LRRC3B: variants seen among roughly 807,000 people sequenced by gnomAD.
The protein encoded by LRRC3B is leucine rich repeat containing 3B.
In LRRC3B, 2 loss-of-function variants were observed where a neutral mutation model predicts 12.8. The observed-to-expected ratio is 0.16, with a 90% CI of 0.06 to 0.49. The LOEUF is 0.49. Among genes scored for constraint, LRRC3B ranks in the 20% least tolerant of loss-of-function variants. The pLI is 0.96. For synonymous variants in LRRC3B, 132 were observed against 122.0 expected (o/e 1.08, Z -0.54); for missense variants, 189 against 319.4 (o/e 0.59, Z 3.11).
At chr3:26,684,745 A>G (rs1398076138) in intron 1 of LRRC3B, among the ~76,000 whole-genome samples, 4 of 152,206 alleles carry the variant, frequency 2.6e-5, no homozygotes, top group African/African-American at 7.2e-5. Flanking sequence ...TACTGTGGAT[A>G]GCAGTTAAAT....
chr3:26,674,012 C>A (rs575003529), intron 1 of LRRC3B, among the ~76,000 whole-genome samples: 1 of 152,286 alleles, frequency 6.6e-6, no homozygotes, highest in African/African-American at 2.4e-5. Flanking sequence ...ATAGGCTTGT[C>A]AATGATGAGC....
intron 1 of LRRC3B, among the ~76,000 whole-genome samples, chr3:26,671,365 TATATATATAGAGAGAG>T (rs1411816062): frequency 2.3e-5 from 1 of 43,448 alleles, no homozygotes; most frequent in Non-Finnish European, 4.3e-5. Context: ...TATATATATA[TATATATATAGAGAGAG>T]AGAGAGAGAG....
chr3:26,631,602 G>A (rs1698758931), intron 1 of LRRC3B, among the ~76,000 whole-genome samples: 1 of 151,328 alleles, frequency 6.6e-6, no homozygotes, highest in African/African-American at 2.5e-5. Flanking sequence ...TCCCTGTCTT[G>A]GAAATTAGCA....
chr3:26,679,114 T>G (rs1222473738), intron 1 of LRRC3B, among the ~76,000 whole-genome samples: 1 of 152,202 alleles, frequency 6.6e-6, no homozygotes, highest in Non-Finnish European at 1.5e-5. Flanking sequence ...TCATCAGTTA[T>G]TCATTCAGTT....
chr3:26,702,822 G>A (rs182409402), intron 1 of LRRC3B, among the ~76,000 whole-genome samples: 4 of 152,250 alleles, frequency 2.6e-5, no homozygotes, highest in Admixed American at 6.5e-5. Context: ...CAAGGGACAC[G>A]TAGAATGGAG....
chr3:26,690,052 A>G (rs1004071568), intron 1 of LRRC3B, among the ~76,000 whole-genome samples: 1 of 152,090 alleles, frequency 6.6e-6, no homozygotes, highest in Non-Finnish European at 1.5e-5. Flanking sequence ...GACTCTGCAC[A>G]AAGCAAAAGC....
At position 26,645,669 on chromosome 3, in the gene LRRC3B, C is replaced by G. The variant is rs150764844; in HGVS notation, c.-161+22432C>G. 3.2e-3 allele frequency among the ~76,000 whole-genome samples: 492 copies of G among 152,138 alleles called. 3 individuals are homozygous for G. Among genetic ancestry groups the G allele is most frequent in the African/African-American group, 0.011 (474 of 41,526 alleles). ...TGGAGGTAAGAAAATTAAGATCCTA[C>G]TTCTCAAACACATTACTTTCTGGAG... On this transcript the variant is annotated intron_variant, in intron 1 of 1. Coordinates refer to ENST00000396641, the Ensembl canonical transcript of LRRC3B.
At chr3:26,693,059 G>A (rs1700224775) in intron 1 of LRRC3B, among the ~76,000 whole-genome samples, 5 of 152,182 alleles carry the variant, frequency 3.3e-5, no homozygotes, top group South Asian at 2.1e-4. Context: ...GGCCGGGCGC[G>A]GTGGCTCACG....
At chr3:26,695,287 G>A (rs977717746) in intron 1 of LRRC3B, among the ~76,000 whole-genome samples, 3 of 152,174 alleles carry the variant, frequency 2.0e-5, no homozygotes, top group African/African-American at 7.2e-5. Flanking sequence ...CAGCACTTTG[G>A]GGGGCCGAGG....
At chr3:26,675,834 T>C (rs1387749634) in intron 1 of LRRC3B, among the ~76,000 whole-genome samples, 1 of 152,200 alleles carries the variant, frequency 6.6e-6, no homozygotes. Context: ...TATTCTAGAA[T>C]GTTTACCTTC....
intron 1 of LRRC3B, among the ~76,000 whole-genome samples, chr3:26,684,892 A>G (rs1328969681): frequency 6.6e-6 from 1 of 152,194 alleles, no homozygotes; most frequent in African/African-American, 2.4e-5. Flanking sequence ...CTGTTACTCC[A>G]TTCTCACATA....
chr3:26,710,654 C>T (rs1166351259), exon 2 of LRRC3B: 29 of 490,038 alleles, frequency 5.9e-5, no homozygotes, highest in Admixed American at 4.4e-4. Context: ...ATTGTACCCC[C>T]GATGGTATAT....
chr3:26,663,802 T>C (rs546448773), intron 1 of LRRC3B, among the ~76,000 whole-genome samples: 1 of 152,274 alleles, frequency 6.6e-6, no homozygotes, highest in South Asian at 2.1e-4. Context: ...TTTATTCAGT[T>C]ACCATCTTGC....
chr3:26,646,267 C>T (rs1699141164), intron 1 of LRRC3B, among the ~76,000 whole-genome samples: 1 of 152,106 alleles, frequency 6.6e-6, no homozygotes, highest in South Asian at 2.1e-4. Flanking sequence ...CACATTGGCA[C>T]CCCTCTGAAT....
intron 1 of LRRC3B, among the ~76,000 whole-genome samples, chr3:26,628,969 C>T (rs1212941757): frequency 6.6e-6 from 1 of 152,048 alleles, no homozygotes; most frequent in Non-Finnish European, 1.5e-5. Context: ...CTCTAAGCTA[C>T]CTTTTATGTT....
chr3:26,677,730 A>G (rs1050997142), intron 1 of LRRC3B, among the ~76,000 whole-genome samples: 5 of 152,144 alleles, frequency 3.3e-5, no homozygotes, highest in South Asian at 2.1e-4. Context: ...ACACATTCTT[A>G]TTGTCAGTCA....
intron 1 of LRRC3B, among the ~76,000 whole-genome samples, chr3:26,658,562 AG>A (rs1699425701): frequency 6.6e-6 from 1 of 152,208 alleles, no homozygotes. Flanking sequence ...ATTGAAGAGG[AG>A]GGGAAGTTGA....
chr3:26,664,599 A>C (rs1699561060), intron 1 of LRRC3B, among the ~76,000 whole-genome samples: 1 of 152,162 alleles, frequency 6.6e-6, no homozygotes, highest in Non-Finnish European at 1.5e-5. Context: ...TTGAATTATT[A>C]GGAAGTGGTC....
intron 1 of LRRC3B, among the ~76,000 whole-genome samples, chr3:26,706,042 C>CA (rs1407020007): frequency 1.3e-5 from 2 of 152,152 alleles, no homozygotes; most frequent in Non-Finnish European, 2.9e-5. Context: ...CTGGAGCCTG[C>CA]AAAGCTCAAC....
Sources: gnomAD v4.1 joint callset for allele counts (sites outside exome capture counted in the v4.1 genomes callset) on GRCh38, gnomAD v4.1.1 for gene constraint, MANE v1.5 for transcripts, NCBI Gene and HGNC (gene_info 2026-07-23, HGNC 2026-07-21) for gene names.